Variants in MCC observed in about 807,000 individuals in gnomAD.
MCC encodes the protein MCC regulator of Wnt signaling pathway, also known as colorectal mutant cancer protein.
MCC carries 90 observed loss-of-function variants against 116.2 expected under a neutral mutation model. That is an observed-to-expected ratio of 0.77 (90% CI 0.65 to 0.92). The LOEUF is 0.92. Ranked by LOEUF, MCC falls within the 40% of genes least tolerant of loss-of-function variation. The pLI is 0.00. For missense variants in MCC, 1,516 were observed against 1,312.2 expected (o/e 1.16, Z -2.40); for synonymous variants, 578 against 510.5 (o/e 1.13, Z -1.78).
At chr5:113,255,814 A>T (rs1190617560) in intron 3 of MCC, among the ~76,000 whole-genome samples, 1 of 152,238 alleles carries the variant, frequency 6.6e-6, no homozygotes, top group African/African-American at 2.4e-5. Context: ...CCAGTAAAAC[A>T]AGGGCAGAGA....
intron 13 of MCC, among the ~76,000 whole-genome samples, chr5:113,067,866 GT>G (rs1753732166): frequency 6.6e-6 from 1 of 152,224 alleles, no homozygotes; most frequent in Admixed American, 6.5e-5. Flanking sequence ...AGTCTTGTTT[GT>G]TTTAACTTGT....
intron 2 of MCC, among the ~76,000 whole-genome samples, chr5:113,355,751 G>T (rs1211441003): frequency 6.6e-6 from 1 of 151,916 alleles, no homozygotes; most frequent in Non-Finnish European, 1.5e-5. Context: ...CCATCATAAG[G>T]CTCCACCCCA....
chr5:113,154,664 T>C (rs1258274661), intron 3 of MCC, among the ~76,000 whole-genome samples: 1 of 152,232 alleles, frequency 6.6e-6, no homozygotes, highest in Non-Finnish European at 1.5e-5. Flanking sequence ...AGCTAGAGTG[T>C]TTGTGAGCGA....
intron 3 of MCC, among the ~76,000 whole-genome samples, chr5:113,230,656 G>C (rs1484024031): frequency 6.6e-6 from 1 of 152,056 alleles, no homozygotes; most frequent in East Asian, 1.9e-4. Flanking sequence ...TTTGGAAAAA[G>C]GTTTACTCTT....
At position 113,281,802 on chromosome 5, in the gene MCC, T is replaced by G. The variant is rs150189792; in HGVS notation, c.627+58717A>C. Among the ~76,000 whole-genome samples, 757 of 152,312 alleles carry G rather than the reference T, an allele frequency of 5.0e-3. 6 individuals carry two copies. Among genetic ancestry groups the G allele is most frequent in the African/African-American group, 0.017 (721 of 41,566 alleles). On this transcript the variant is annotated intron_variant, in intron 3 of 18. Transcript: ENST00000408903. ...GCATATTGTTTTCATGACATATTGGTCTACACTTAAGAACTTCTCTTAAAT... is the reference window on the plus strand; with the variant it reads ...GCATATTGTTTTCATGACATATTGGGCTACACTTAAGAACTTCTCTTAAAT...
chr5:113,027,401 C>T lies in MCC; in HGVS notation c.2961G>A (p.Met987Ile). 1 of 1,614,220 alleles carries T rather than the reference C, an allele frequency of 6.2e-7. No individual in the cohort carries two copies. Among genetic ancestry groups the T allele is most frequent in the Non-Finnish European group, 8.5e-7 (1 of 1,180,034 alleles). Residue 987 changes from methionine (M) to isoleucine (I), a missense_variant, in exon 19 of 19, where the codon ATG becomes ATA. Physicochemically the swap from Met to Ile is conservative, Grantham distance 10. Coordinates refer to ENST00000408903, the MANE Select transcript of MCC (RefSeq NM_001085377.2). ...LKKLESQMMAMVERHETQVRM... is the reference protein window; with the variant it reads ...LKKLESQMMAIVERHETQVRM... ...TCACTTGGGTCTCATGTCTCTCCAC[C>T]ATGGCCATCATCTGCGACTCTAACT...
chr5:113,065,134 A>G (rs539034155), intron 13 of MCC, among the ~76,000 whole-genome samples: 2 of 152,326 alleles, frequency 1.3e-5, no homozygotes, highest in African/African-American at 4.8e-5. Flanking sequence ...GTTGTTATAC[A>G]TTGGCCCAAA....
chr5:113,195,187 G>T (rs911415185), intron 3 of MCC, among the ~76,000 whole-genome samples: 1 of 152,224 alleles, frequency 6.6e-6, no homozygotes, highest in Non-Finnish European at 1.5e-5. Flanking sequence ...TGGACCTCGT[G>T]AGGGGGTCGA....
chr5:113,473,072 A>G (rs887326325), intron 1 of MCC, among the ~76,000 whole-genome samples: 7 of 152,206 alleles, frequency 4.6e-5, no homozygotes, highest in African/African-American at 1.7e-4. Context: ...ACAAGTTAGT[A>G]TTGGGTAAGT....
chr5:113,302,430 C>T (rs991142368), intron 3 of MCC, among the ~76,000 whole-genome samples: 16 of 152,114 alleles, frequency 1.1e-4, no homozygotes, highest in African/African-American at 3.4e-4. Context: ...TTGTTGAGAT[C>T]CTGATTCAAA....
intron 3 of MCC, among the ~76,000 whole-genome samples, chr5:113,158,355 TA>T (rs1203831817): frequency 2.0e-5 from 3 of 152,254 alleles, no homozygotes; most frequent in Non-Finnish European, 4.4e-5. Context: ...CTTCTCTCAT[TA>T]AAGGACACTT....
At chr5:113,049,568 T>C (rs1752352726) in intron 15 of MCC, among the ~76,000 whole-genome samples, 1 of 152,220 alleles carries the variant, frequency 6.6e-6, no homozygotes, top group African/African-American at 2.4e-5. Context: ...GGCAAGATTG[T>C]GGTTCAATAT....
intron 3 of MCC, among the ~76,000 whole-genome samples, chr5:113,200,012 T>A (rs1363353390): frequency 6.6e-6 from 1 of 152,194 alleles, no homozygotes; most frequent in Non-Finnish European, 1.5e-5. Flanking sequence ...GACACTAGAA[T>A]GATGGCTCCT....
At chr5:113,435,157 T>C (rs1770811815) in intron 1 of MCC, 1 of 326,706 alleles carries the variant, frequency 3.1e-6, no homozygotes, top group Non-Finnish European at 5.7e-6. Flanking sequence ...CGTGTCTTGC[T>C]GGGACCTGAG....
chr5:113,267,311 C>T (rs1438304678), intron 3 of MCC, among the ~76,000 whole-genome samples: 1 of 152,168 alleles, frequency 6.6e-6, no homozygotes, highest in Non-Finnish European at 1.5e-5. Flanking sequence ...TCCTCTGCTA[C>T]TATTAACCCA....
At chr5:113,448,240 G>T (rs895864038) in intron 1 of MCC, 1 of 152,096 alleles carries the variant, frequency 6.6e-6, no homozygotes, top group Non-Finnish European at 1.5e-5. Flanking sequence ...CCATGAGTGG[G>T]GTCAATCAGT....
At chr5:113,059,828 C>T (rs913220161) in intron 14 of MCC, among the ~76,000 whole-genome samples, 50 of 152,184 alleles carry the variant, frequency 3.3e-4, no homozygotes, top group African/African-American at 1.1e-3. Flanking sequence ...CTGGCTGGTT[C>T]GGGACGGTTC....
At chr5:113,114,729 T>A (rs987816399) in intron 6 of MCC, among the ~76,000 whole-genome samples, 15 of 152,248 alleles carry the variant, frequency 9.9e-5, no homozygotes, top group African/African-American at 3.1e-4. Flanking sequence ...ACACCGTTGC[T>A]TCGGAGAGGA....
intron 3 of MCC, among the ~76,000 whole-genome samples, chr5:113,195,594 G>C (rs909935439): frequency 6.6e-6 from 1 of 152,100 alleles, no homozygotes; most frequent in East Asian, 1.9e-4. Flanking sequence ...ACAGCCATGG[G>C]CCTGAGAAAG....
Sources: allele counts gnomAD v4.1 joint callset (sites outside exome capture counted in the v4.1 genomes callset), GRCh38; gene constraint gnomAD v4.1.1; transcripts MANE v1.5; gene names NCBI Gene and HGNC (gene_info 2026-07-23, HGNC 2026-07-21).